RASEF: variants seen among roughly 807,000 people sequenced by gnomAD.
The protein encoded by RASEF is ras and EF-hand domain-containing protein.
Under a neutral mutation model 90.1 loss-of-function variants are expected in RASEF, and 68 were observed. The observed-to-expected ratio is 0.75, with a 90% CI of 0.62 to 0.92. RASEF has a LOEUF of 0.92. Among genes scored for constraint, RASEF ranks in the 40% least tolerant of loss-of-function variants. The pLI, the probability that RASEF is intolerant of heterozygous loss-of-function variation, is 0.00. For missense variants in RASEF, 949 were observed against 937.2 expected (o/e 1.01, Z -0.16); for synonymous variants, 331 against 345.2 (o/e 0.96, Z 0.46).
chr9:83,171,981 G>A, the RASEF span, among the ~76,000 whole-genome samples: 4 of 151,582 alleles, frequency 2.6e-5, no homozygotes, highest in Non-Finnish European at 5.9e-5. Flanking sequence ...TGATTTTCTA[G>A]TTTCTTGAGG....
At chr9:83,196,426 T>C in the RASEF span, among the ~76,000 whole-genome samples, 1 of 152,114 alleles carries the variant, frequency 6.6e-6, no homozygotes, top group Non-Finnish European at 1.5e-5. Flanking sequence ...GACTTCTCTG[T>C]GTCAAGGTGA....
chr9:83,043,761 C>A (rs1317856806), intron 1 of RASEF, among the ~76,000 whole-genome samples: 1 of 152,140 alleles, frequency 6.6e-6, no homozygotes, highest in African/African-American at 2.4e-5. Context: ...ATCTGCCCAG[C>A]AGATGTGGCC....
chr9:83,130,412 A>T, the RASEF span, among the ~76,000 whole-genome samples: 1 of 152,186 alleles, frequency 6.6e-6, no homozygotes, highest in Non-Finnish European at 1.5e-5. Context: ...ACCTACATGG[A>T]CACATCATTA....
intron 9 of RASEF, among the ~76,000 whole-genome samples, chr9:83,004,199 G>A (rs1290552942): frequency 6.6e-6 from 1 of 152,070 alleles, no homozygotes; most frequent in East Asian, 1.9e-4. Flanking sequence ...CTATAATTCT[G>A]CTGGTTTCCC....
Position 83,004,590 on chromosome 9 carries a change from T to C in RASEF, c.1114-4A>G, listed in dbSNP as rs968156791. On this transcript the variant is annotated splice_region_variant and splice_polypyrimidine_tract_variant and intron_variant, in intron 8 of 16. Coordinates refer to ENST00000376447, the MANE Select transcript of RASEF (RefSeq NM_152573.4). Reference sequence around the variant, plus strand: ...CTGGTGAGATATTATTTATATGCTGTAATATAGAAGTAATCATTTGTTAGT... The same window carrying C: ...CTGGTGAGATATTATTTATATGCTGCAATATAGAAGTAATCATTTGTTAGT... The C allele has an allele frequency of 5.3e-6, 8 of 1,500,646 alleles. No homozygotes were observed. The highest frequency in any genetic ancestry group is 1.7e-4 in the Middle Eastern group (1 of 5,852). The allele number at this position is 1,500,646 out of a possible 1,614,324, so 93.0% of individuals were successfully genotyped here. A position where few individuals can be genotyped will look rare whatever the true frequency, so the allele number is the denominator to read the frequency against.
chr9:83,206,388 AC>A, the RASEF span, among the ~76,000 whole-genome samples: 1 of 152,236 alleles, frequency 6.6e-6, no homozygotes, highest in Admixed American at 6.5e-5. Flanking sequence ...ATTTCAGATG[AC>A]AGGCATAAAA....
At chr9:83,127,632 G>T in the RASEF span, among the ~76,000 whole-genome samples, 90 of 152,284 alleles carry the variant, frequency 5.9e-4, no homozygotes, top group African/African-American at 2.1e-3. Flanking sequence ...ACAAGAGACT[G>T]GGAGCAAGAA....
the RASEF span, among the ~76,000 whole-genome samples, chr9:83,126,313 A>T: frequency 6.6e-6 from 1 of 152,126 alleles, no homozygotes; most frequent in Admixed American, 6.5e-5. Flanking sequence ...TCATGTGAGA[A>T]TGCAGCAAGA....
At chr9:83,021,838 A>G (rs918701203) in intron 3 of RASEF, among the ~76,000 whole-genome samples, 4 of 152,232 alleles carry the variant, frequency 2.6e-5, no homozygotes, top group Admixed American at 6.5e-5. Flanking sequence ...GAGTCCTGGA[A>G]CCAATCCCCT....
upstream of RASEF, among the ~76,000 whole-genome samples, chr9:83,065,022 C>T (rs543730366): frequency 7.2e-5 from 11 of 152,138 alleles, no homozygotes; most frequent in Non-Finnish European, 1.6e-4. Flanking sequence ...GAGCCGAGAT[C>T]GCGCCACTGC....
At chr9:83,165,770 A>T in the RASEF span, among the ~76,000 whole-genome samples, 8 of 152,252 alleles carry the variant, frequency 5.3e-5, no homozygotes, top group East Asian at 7.7e-4. Context: ...ATAACTAAGA[A>T]AAAAGTGAGA....
At chr9:83,134,158 T>C in the RASEF span, among the ~76,000 whole-genome samples, 1 of 152,114 alleles carries the variant, frequency 6.6e-6, no homozygotes, top group Non-Finnish European at 1.5e-5. Flanking sequence ...CCCACTTACA[T>C]CCAGACTTTC....
At chr9:83,000,019 ACACACACAC>A in intron 12 of RASEF, 141 bp downstream of exon 12, 2 of 650,232 alleles carry the variant, frequency 3.1e-6, no homozygotes, top group African/African-American at 3.8e-5. Flanking sequence ...ACACACACAC[ACACACACAC>A]ACACACACAT....
chr9:83,071,815 A>T, the RASEF span, among the ~76,000 whole-genome samples: 1 of 152,176 alleles, frequency 6.6e-6, no homozygotes, highest in Admixed American at 6.5e-5. Flanking sequence ...CCATCTGGTA[A>T]GTGGGTGTCT....
chr9:83,143,137 T>A, the RASEF span, among the ~76,000 whole-genome samples: 2 of 152,136 alleles, frequency 1.3e-5, no homozygotes, highest in African/African-American at 2.4e-5. Flanking sequence ...CAGTTGACAG[T>A]CAAAGATATT....
At chr9:83,209,017 G>T in the RASEF span, among the ~76,000 whole-genome samples, 6 of 152,206 alleles carry the variant, frequency 3.9e-5, no homozygotes, top group African/African-American at 1.4e-4. Context: ...CAGGGACAAA[G>T]GCATCAGCCA....
At chr9:83,058,172 CTTTTTTTTTTTTT>C (rs555842009) in intron 1 of RASEF, among the ~76,000 whole-genome samples, 1 of 57,888 alleles carries the variant, frequency 1.7e-5, no homozygotes, top group Admixed American at 2.2e-4. Context: ...GTATTTATGT[CTTTTTTTTTTTTT>C]TTTTTTTTTT....
At chr9:83,134,409 C>A in the RASEF span, among the ~76,000 whole-genome samples, 92 of 38,914 alleles carry the variant, frequency 2.4e-3, no homozygotes, top group African/African-American at 0.013. Flanking sequence ...ATCACAATAG[C>A]GCACACACAC....
At chr9:83,061,957 G>A (rs897156777) in intron 1 of RASEF, among the ~76,000 whole-genome samples, 2 of 152,238 alleles carry the variant, frequency 1.3e-5, no homozygotes, top group Non-Finnish European at 2.9e-5. Flanking sequence ...TTTGTGTCCA[G>A]CAATGTAAAA....
Sources: allele counts gnomAD v4.1 joint callset (sites outside exome capture counted in the v4.1 genomes callset), GRCh38; gene constraint gnomAD v4.1.1; transcripts MANE v1.5; gene names NCBI Gene and HGNC (gene_info 2026-07-23, HGNC 2026-07-21).